UBQLN1: variants seen among roughly 807,000 people sequenced by gnomAD.
The protein encoded by UBQLN1 is ubiquilin 1.
A neutral mutation model predicts 65.4 loss-of-function variants in UBQLN1; 13 were observed. The observed-to-expected ratio is 0.20, with a 90% CI of 0.13 to 0.32. The LOEUF is 0.32. Among genes scored for constraint, UBQLN1 ranks in the 10% least tolerant of loss-of-function variants. The pLI is 1.00. For missense variants in UBQLN1, 561 were observed against 724.0 expected (o/e 0.77, Z 2.58); for synonymous variants, 267 against 247.8 (o/e 1.08, Z -0.73).
At chr9:83,702,189 C>A (rs775337614) in intron 1 of UBQLN1, among the ~76,000 whole-genome samples, 1 of 152,096 alleles carries the variant, frequency 6.6e-6, no homozygotes, top group Non-Finnish European at 1.5e-5. Flanking sequence ...AAGGGTACAG[C>A]GTTTCTTTTT....
At chr9:83,702,219 A>C (rs1832321207) in intron 1 of UBQLN1, among the ~76,000 whole-genome samples, 1 of 152,166 alleles carries the variant, frequency 6.6e-6, no homozygotes, top group Admixed American at 6.5e-5. Flanking sequence ...AAACGTTCTA[A>C]AATTGACTAC....
chr9:83,698,991 G>A (rs1376759816), intron 1 of UBQLN1, among the ~76,000 whole-genome samples: 3 of 151,618 alleles, frequency 2.0e-5, no homozygotes, highest in Non-Finnish European at 2.9e-5. Context: ...AGGGAAATAA[G>A]TTAATCACAA....
At chr9:83,690,759 A>G (rs1041210451) in intron 1 of UBQLN1, among the ~76,000 whole-genome samples, 2 of 151,686 alleles carry the variant, frequency 1.3e-5, no homozygotes, top group African/African-American at 4.8e-5. Context: ...AAAAAAAACA[A>G]GAACAGAAAC....
At chr9:83,686,741 G>A (rs1343095498) in intron 1 of UBQLN1, among the ~76,000 whole-genome samples, 3 of 151,934 alleles carry the variant, frequency 2.0e-5, no homozygotes, top group East Asian at 3.9e-4. Flanking sequence ...TTGGCCTAGC[G>A]GTGGAGTATC....
intron 1 of UBQLN1, among the ~76,000 whole-genome samples, chr9:83,701,870 C>T (rs1832315358): frequency 6.6e-6 from 1 of 152,160 alleles, no homozygotes; most frequent in Non-Finnish European, 1.5e-5. Context: ...CATGAGTGTT[C>T]AGAGGCATTA....
intron 1 of UBQLN1, among the ~76,000 whole-genome samples, chr9:83,691,393 G>C (rs1350157276): frequency 6.6e-6 from 1 of 152,118 alleles, no homozygotes; most frequent in East Asian, 1.9e-4. Flanking sequence ...CAAAACAGCT[G>C]TAATCTCAAA....
At chr9:83,667,366 G>T in intron 7 of UBQLN1, 1 of 339,638 alleles carries the variant, frequency 2.9e-6, no homozygotes, top group Non-Finnish European at 4.2e-6. Context: ...CCAAAGTCTG[G>T]GGAGGAAATG....
chr9:83,673,558 A>AC (rs1831773705), intron 6 of UBQLN1, among the ~76,000 whole-genome samples: 1 of 88,012 alleles, frequency 1.1e-5, no homozygotes, highest in Non-Finnish European at 2.3e-5. Context: ...AAAAAAAAAA[A>AC]AAAAAAAAAC....
At chr9:83,699,427 CA>C (rs1832275127) in intron 1 of UBQLN1, among the ~76,000 whole-genome samples, 1 of 152,180 alleles carries the variant, frequency 6.6e-6, no homozygotes, top group South Asian at 2.1e-4. Flanking sequence ...GTGTAACCTC[CA>C]AACTCCTGGG....
chr9:83,705,623 T>C (rs1213358544), intron 1 of UBQLN1, among the ~76,000 whole-genome samples: 4 of 152,156 alleles, frequency 2.6e-5, no homozygotes, highest in Non-Finnish European at 5.9e-5. Context: ...CAAGTCTAAG[T>C]ATATAACCAT....
intron 1 of UBQLN1, among the ~76,000 whole-genome samples, chr9:83,692,443 T>C (rs1054083120): frequency 6.6e-6 from 1 of 152,202 alleles, no homozygotes. Context: ...AGAAACTAAA[T>C]AGTATTGATA....
intron 10 of UBQLN1, among the ~76,000 whole-genome samples, chr9:83,662,971 G>A (rs1055989122): frequency 2.0e-5 from 3 of 151,988 alleles, no homozygotes; most frequent in African/African-American, 7.3e-5. Context: ...AGCTACTCCA[G>A]AGGCTAAGGT....
At chr9:83,688,008 T>C (rs999883598) in intron 1 of UBQLN1, among the ~76,000 whole-genome samples, 1 of 152,158 alleles carries the variant, frequency 6.6e-6, no homozygotes, top group Non-Finnish European at 1.5e-5. Flanking sequence ...AGAACACCAT[T>C]TGCATGATAT....
intron 1 of UBQLN1, among the ~76,000 whole-genome samples, chr9:83,702,079 C>T (rs1045470765): frequency 6.6e-6 from 1 of 152,140 alleles, no homozygotes; most frequent in Non-Finnish European, 1.5e-5. Context: ...CATGATTCCA[C>T]TTACAACAAA....
chr9:83,666,223 T>C (rs905593345), intron 8 of UBQLN1, 127 bp downstream of exon 8: 13 of 794,698 alleles, frequency 1.6e-5, no homozygotes, highest in Admixed American at 1.1e-4. Context: ...TCTCTACGAA[T>C]TGACAGCATT....
At chr9:83,695,488 A>G (rs1968216) in intron 1 of UBQLN1, among the ~76,000 whole-genome samples, 107,032 of 152,202 alleles carry the variant, frequency 0.7, 38,499 homozygotes, top group East Asian at 0.88. Context: ...GTGAGGCGCC[A>G]TGCCCAGTCC....
intron 6 of UBQLN1, among the ~76,000 whole-genome samples, chr9:83,674,894 C>A (rs1163285012): frequency 6.6e-6 from 1 of 152,028 alleles, no homozygotes; most frequent in Non-Finnish European, 1.5e-5. Flanking sequence ...GTAGAATCTG[C>A]TAAGATGTGC....
At chr9:83,683,327 G>A (rs1457740493) in intron 2 of UBQLN1, among the ~76,000 whole-genome samples, 1 of 151,154 alleles carries the variant, frequency 6.6e-6, no homozygotes, top group Non-Finnish European at 1.5e-5. Flanking sequence ...CAGGAGAATG[G>A]CGTGAACCCA....
At chr9:83,678,222 C>T (rs552668145) in intron 5 of UBQLN1, among the ~76,000 whole-genome samples, 3 of 152,132 alleles carry the variant, frequency 2.0e-5, no homozygotes, top group South Asian at 2.1e-4. Context: ...GGGATTTCAC[C>T]GTATTAGCCA....
Sources: allele counts gnomAD v4.1 joint callset (sites outside exome capture counted in the v4.1 genomes callset), GRCh38; gene constraint gnomAD v4.1.1; transcripts MANE v1.5; gene names NCBI Gene and HGNC (gene_info 2026-07-23, HGNC 2026-07-21).